The following DNAAF9 variants were observed in gnomAD, a reference collection of about 807,000 sequenced individuals.
DNAAF9 encodes the protein dynein axonemal assembly factor 9.
In DNAAF9, 90 loss-of-function variants were observed where a neutral mutation model predicts 167.0. That is an observed-to-expected ratio of 0.54 (90% CI 0.45 to 0.64). The LOEUF (loss-of-function observed/expected upper bound fraction) is 0.64. DNAAF9 is among the 30% of genes least tolerant of loss of function. DNAAF9 has a pLI of 0.00. For synonymous variants in DNAAF9, 491 were observed against 508.8 expected (o/e 0.96, Z 0.47); for missense variants, 1,315 against 1,442.2 (o/e 0.91, Z 1.43).
chr20:3,359,609 A>C lies in DNAAF9; in HGVS notation c.613-16T>G. ...CATCCTGCAACTGCAACAGAGGGCA[A>C]AAACATTGAAATAATTAAGTCAATA... On this transcript the variant is annotated splice_polypyrimidine_tract_variant and intron_variant, in intron 6 of 36. Coordinates refer to ENST00000252032, the MANE Select transcript of DNAAF9 (RefSeq NM_001009984.3). 1 of 1,558,066 alleles carries C rather than the reference A, an allele frequency of 6.4e-7. No homozygotes were observed. Among genetic ancestry groups the C allele is most frequent in the East Asian group, 2.2e-5 (1 of 44,586 alleles).
intron 1 of DNAAF9, among the ~76,000 whole-genome samples, chr20:3,406,248 C>G (rs2084053116): frequency 6.6e-6 from 1 of 152,140 alleles, no homozygotes; most frequent in Non-Finnish European, 1.5e-5. Context: ...AAACAAACAA[C>G]CCCAAAAATC....
intron 1 of DNAAF9, among the ~76,000 whole-genome samples, chr20:3,386,306 G>C (rs2083736223): frequency 1.3e-5 from 2 of 152,170 alleles, no homozygotes; most frequent in Non-Finnish European, 2.9e-5. Flanking sequence ...GGAACAGATA[G>C]AGTAACCAGA....
At chr20:3,325,012 A>G (rs1450844689) in intron 13 of DNAAF9, 44 bp from the exon 14 acceptor site, 2 of 1,073,916 alleles carry the variant, frequency 1.9e-6, no homozygotes, top group South Asian at 2.5e-5. Flanking sequence ...CACAGCAGGA[A>G]AAAGTACACA....
chr20:3,262,313 C>T (rs1007251329), intron 31 of DNAAF9, among the ~76,000 whole-genome samples: 19 of 146,192 alleles, frequency 1.3e-4, no homozygotes, highest in Admixed American at 3.5e-4. Context: ...TGCAGTGGTG[C>T]GATCTTGGCT....
At chr20:3,283,958 T>C (rs958466284) in intron 27 of DNAAF9, among the ~76,000 whole-genome samples, 8 of 152,024 alleles carry the variant, frequency 5.3e-5, no homozygotes, top group Non-Finnish European at 1.2e-4. Context: ...GGAAAAAGGT[T>C]AGAGTAAAAA....
intron 12 of DNAAF9, among the ~76,000 whole-genome samples, chr20:3,329,963 T>A (rs1456835241): frequency 6.6e-6 from 1 of 152,200 alleles, no homozygotes; most frequent in African/African-American, 2.4e-5. Flanking sequence ...AAGTGTCAAA[T>A]CCAGAGAAAG....
At chr20:3,374,714 T>A (rs2083552492) in intron 5 of DNAAF9, among the ~76,000 whole-genome samples, 1 of 152,220 alleles carries the variant, frequency 6.6e-6, no homozygotes, top group African/African-American at 2.4e-5. Context: ...AATCCCTCTT[T>A]CTTATTACCA....
At position 3,407,661 on chromosome 20, in the gene DNAAF9, G is replaced by A. The variant is rs2084084855; in HGVS notation, c.-104C>T. 1.8e-6 allele frequency: 2 copies of A among 1,093,296 alleles called. No individual in the cohort carries two copies. Among genetic ancestry groups the A allele is most frequent in the South Asian group, 4.4e-5 (1 of 22,956 alleles). 67.7% of individuals were successfully genotyped at this position (1,093,296 alleles called of 1,614,324 possible). ...CTGCGGCCGGGCGGGGCGGCAGGGC[G>A]TGCCGGGTGGGAGGGGGCGCGGCGC... is the stretch of plus-strand genomic sequence containing the variant. On this transcript the variant is annotated 5_prime_UTR_variant, in exon 1 of 37. The change creates a new upstream start codon in the 5' untranslated region. Transcript: ENST00000252032.
chr20:3,368,598 C>T (rs58683342), intron 6 of DNAAF9, among the ~76,000 whole-genome samples: 64,118 of 149,706 alleles, frequency 0.43, 13,859 homozygotes, highest in Middle Eastern at 0.55. Context: ...CTGAAAGCTC[C>T]GCCACCCAGG....
At chr20:3,354,239 A>G (rs719181) in intron 7 of DNAAF9, among the ~76,000 whole-genome samples, 6,869 of 152,244 alleles carry the variant, frequency 0.045, 439 homozygotes, top group East Asian at 0.16. Flanking sequence ...TATTCTCCCA[A>G]CTTTTCCCCA....
At chr20:3,366,910 G>A (rs1378840382) in intron 6 of DNAAF9, among the ~76,000 whole-genome samples, 4 of 151,322 alleles carry the variant, frequency 2.6e-5, no homozygotes, top group South Asian at 2.1e-4. Flanking sequence ...GGGCAACACG[G>A]TGAGACTCTG....
chr20:3,257,630 G>T (rs1037838405), intron 33 of DNAAF9, among the ~76,000 whole-genome samples: 1 of 151,944 alleles, frequency 6.6e-6, no homozygotes, highest in African/African-American at 2.4e-5. Flanking sequence ...TGCAACGGCC[G>T]CCTCCTGGGT....
chr20:3,295,451 T>C (rs2069053693), intron 23 of DNAAF9: 2 of 280,978 alleles, frequency 7.1e-6, no homozygotes, highest in South Asian at 7.8e-5. Context: ...AGTGCTGGGA[T>C]TACAGGCGTG....
At chr20:3,368,178 GTACTC>G (rs1466384520) in intron 6 of DNAAF9, among the ~76,000 whole-genome samples, 3 of 152,096 alleles carry the variant, frequency 2.0e-5, no homozygotes, top group Admixed American at 6.5e-5. Flanking sequence ...TTCCTCTTTA[GTACTC>G]TAACTGCTTT....
chr20:3,389,447 G>C (rs2083795707), intron 1 of DNAAF9, among the ~76,000 whole-genome samples: 1 of 151,806 alleles, frequency 6.6e-6, no homozygotes, highest in Non-Finnish European at 1.5e-5. Context: ...ACTGCACCTG[G>C]CCAATTTTAA....
Position 3,375,124 on chromosome 20 carries a change from A to G in DNAAF9, c.411T>C (p.Tyr137=). ...ATTCTTCTGCGGCTTCTTCATCTTC[A>G]TACTGAAGAGACAAATCAAAAGAAA... ...LHFHCMTENE[Y]EDEEAAEEFK... is the part of the protein sequence containing the mutation. The change falls in exon 5 of 37, where the codon TAT becomes TAC. Residue 137 remains tyrosine (Y), a splice_region_variant and synonymous_variant. Coordinates refer to ENST00000252032, the MANE Select transcript of DNAAF9 (RefSeq NM_001009984.3). 6.3e-7 allele frequency: 1 copy of G among 1,578,796 alleles called. No individual in the cohort carries two copies. Among genetic ancestry groups the G allele is most frequent in the Non-Finnish European group, 8.7e-7 (1 of 1,148,134 alleles).
chr20:3,407,649 G>C lies in DNAAF9; in HGVS notation c.-92C>G, dbSNP rs2123327038. The stretch of plus-strand genomic sequence containing the variant: ...GCTCCACGCTAGCTGCGGCCGGGCG[G>C]GGCGGCAGGGCGTGCCGGGTGGGAG... On this transcript the variant is annotated 5_prime_UTR_variant, in exon 1 of 37. Coordinates refer to ENST00000252032, the MANE Select transcript of DNAAF9 (RefSeq NM_001009984.3). 3 of 1,130,498 alleles carry C rather than the reference G, an allele frequency of 2.7e-6. No individual in the cohort carries two copies. Among genetic ancestry groups the C allele is most frequent in the East Asian group, 8.7e-5 (2 of 22,972 alleles). The allele number at this position is 1,130,498 out of a possible 1,614,324, so 70.0% of individuals were successfully genotyped here. A position where few individuals can be genotyped will look rare whatever the true frequency, so the allele number is the denominator to read the frequency against.
chr20:3,286,562 A>T (rs2068856262), intron 27 of DNAAF9, among the ~76,000 whole-genome samples: 1 of 152,194 alleles, frequency 6.6e-6, no homozygotes, highest in Admixed American at 6.5e-5. Flanking sequence ...AGTGGTTTCA[A>T]GCCCAGACTC....
At chr20:3,378,829 A>ATTATATTGACTGTAGAGAAAGTATT (rs1261549825) in intron 3 of DNAAF9, among the ~76,000 whole-genome samples, 4 of 152,108 alleles carry the variant, frequency 2.6e-5, no homozygotes, top group Admixed American at 6.5e-5. Flanking sequence ...CTCCTGAAAT[A>ATTATATTGACTGTAGAGAAAGTATT]AAACTCCATG....
Sources: allele counts gnomAD v4.1 joint callset (sites outside exome capture counted in the v4.1 genomes callset), GRCh38; gene constraint gnomAD v4.1.1; transcripts MANE v1.5; gene names NCBI Gene and HGNC (gene_info 2026-07-23, HGNC 2026-07-21).